ST3GAL2: variants seen among roughly 807,000 people sequenced by gnomAD.
ST3GAL2 encodes the protein CMP-N-acetylneuraminate-beta-galactosamide-alpha-2,3-sialyltransferase 2.
ST3GAL2 carries 16 observed loss-of-function variants against 37.5 expected under a neutral mutation model. That is an observed-to-expected ratio of 0.43 (90% confidence interval 0.29 to 0.65). ST3GAL2 has a LOEUF of 0.65. ST3GAL2 is among the 30% of genes least tolerant of loss of function. The probability of loss-of-function intolerance (pLI) is 0.17; values close to 1 mark genes in which losing one functional copy is unlikely to be tolerated. For synonymous variants in ST3GAL2, 238 were observed against 202.9 expected, an observed-to-expected ratio of 1.17 and a Z score of -1.47; for missense variants, 383 against 487.8, an observed-to-expected ratio of 0.79 and a Z score of 2.02.
chr16:70,381,746 G>A lies in ST3GAL2; in HGVS notation c.996C>T (p.Ala332=), dbSNP rs139786880. The change falls in exon 7 of 7, where the codon GCC becomes GCT. Residue 332 remains alanine (A), a synonymous_variant. Transcript: ENST00000342907. ...KTGVHDADFE[A]HIIDMLAKAS... is the part of the protein sequence containing the mutation. The stretch of plus-strand genomic sequence containing the variant: ...CCTTGGCCAGCATGTCGATGATGTG[G>A]GCCTCGAAGTCCGCGTCGTGCACGC... 17 of 1,613,984 alleles carry A rather than the reference G, an allele frequency of 1.1e-5. No homozygotes were observed. The highest frequency in any genetic ancestry group is 1.4e-5 in the Non-Finnish European group (17 of 1,179,976).
chr16:70,417,470 C>T (rs1040497657), intron 1 of ST3GAL2, among the ~76,000 whole-genome samples: 2 of 152,328 alleles, frequency 1.3e-5, no homozygotes, highest in Admixed American at 6.5e-5. Context: ...GGGACACGGC[C>T]GTAACCCCTT....
intron 1 of ST3GAL2, among the ~76,000 whole-genome samples, chr16:70,426,461 A>G (rs1385945023): frequency 1.3e-5 from 2 of 151,196 alleles, no homozygotes; most frequent in Admixed American, 6.6e-5. Flanking sequence ...CGGCCTCCCA[A>G]AGTGCTGGGA....
At chr16:70,418,951 G>A (rs1281657500) in intron 1 of ST3GAL2, among the ~76,000 whole-genome samples, 1 of 152,204 alleles carries the variant, frequency 6.6e-6, no homozygotes, top group Non-Finnish European at 1.5e-5. Flanking sequence ...AGCAGGAAGA[G>A]GAGACTCCAG....
intron 1 of ST3GAL2, among the ~76,000 whole-genome samples, chr16:70,412,128 C>A (rs1480580493): frequency 6.6e-6 from 1 of 152,194 alleles, no homozygotes; most frequent in Non-Finnish European, 1.5e-5. Flanking sequence ...TGTAACCATT[C>A]TTTCAGCAAA....
chr16:70,431,145 G>A (rs1392180945), intron 1 of ST3GAL2, among the ~76,000 whole-genome samples: 2 of 148,552 alleles, frequency 1.3e-5, no homozygotes. Context: ...GCAGGGCGGG[G>A]CAATCTCCTG....
At chr16:70,386,642 T>C (rs1036236173) in intron 4 of ST3GAL2, among the ~76,000 whole-genome samples, 4 of 150,218 alleles carry the variant, frequency 2.7e-5, no homozygotes, top group Non-Finnish European at 5.9e-5. Context: ...CGGCCAAAAA[T>C]TTTTATTTTT....
intron 4 of ST3GAL2, among the ~76,000 whole-genome samples, chr16:70,384,355 G>T (rs1393915500): frequency 3.9e-5 from 6 of 152,136 alleles, no homozygotes; most frequent in Non-Finnish European, 4.4e-5. Context: ...GCTAAGTAAA[G>T]TAAGTCAGAC....
intron 1 of ST3GAL2, among the ~76,000 whole-genome samples, chr16:70,429,085 G>C (rs1597577198): frequency 6.6e-6 from 1 of 152,204 alleles, no homozygotes; most frequent in Admixed American, 6.5e-5. Flanking sequence ...CAGGGGAACT[G>C]AGCACAGCCC....
chr16:70,386,018 T>A (rs1325281729), intron 4 of ST3GAL2, among the ~76,000 whole-genome samples: 1 of 151,702 alleles, frequency 6.6e-6, no homozygotes. Flanking sequence ...AACATGAAAA[T>A]TTTTTTTGTT....
intron 1 of ST3GAL2, among the ~76,000 whole-genome samples, chr16:70,405,978 G>A (rs529245595): frequency 7.0e-4 from 104 of 149,338 alleles, no homozygotes; most frequent in African/African-American, 2.5e-3. Flanking sequence ...GGAGAATGGC[G>A]TGAACCCGGG....
At chr16:70,386,312 C>A (rs1245498403) in intron 4 of ST3GAL2, among the ~76,000 whole-genome samples, 1 of 152,112 alleles carries the variant, frequency 6.6e-6, no homozygotes, top group African/African-American at 2.4e-5. Context: ...CTCAGCCTCC[C>A]CAGTAGCTGG....
chr16:70,435,219 A>C (rs893603386), intron 1 of ST3GAL2, among the ~76,000 whole-genome samples: 1 of 152,210 alleles, frequency 6.6e-6, no homozygotes, highest in Admixed American at 6.5e-5. Context: ...GGGCAACATC[A>C]GAATGAAAGA....
At chr16:70,402,822 T>A (rs2047565183) in intron 1 of ST3GAL2, among the ~76,000 whole-genome samples, 1 of 152,168 alleles carries the variant, frequency 6.6e-6, no homozygotes. Context: ...GCTAATTTTT[T>A]GTATTTTTAG....
At chr16:70,410,600 T>C (rs1035074475) in intron 1 of ST3GAL2, among the ~76,000 whole-genome samples, 1 of 150,266 alleles carries the variant, frequency 6.7e-6, no homozygotes, top group African/African-American at 2.4e-5. Context: ...ATTATATTAC[T>C]TTTTTTTTAG....
Position 70,381,720 on chromosome 16 carries a change from G to T in ST3GAL2, c.1022C>A (p.Ala341Asp). ...EAHIIDMLAK[A>D]SKIEVYRGN Reference sequence around the variant, plus strand: ...GCCCCGGTAGACTTCGATCTTGCTGGCCTTGGCCAGCATGTCGATGATGTG... The same window carrying T: ...GCCCCGGTAGACTTCGATCTTGCTGTCCTTGGCCAGCATGTCGATGATGTG... Residue 341 changes from alanine to aspartate, a missense_variant, in exon 7 of 7, where the codon GCC becomes GAC. By Grantham distance (126) the Ala-to-Asp change is moderately radical. Around this residue, in one of 2 missense-constraint regions of ST3GAL2, gnomAD observed 160 missense variants for 248.6 expected, o/e 0.64. Coordinates refer to ENST00000342907, the MANE Select transcript of ST3GAL2 (RefSeq NM_006927.4). 1.2e-6 allele frequency: 2 copies of T among 1,614,000 alleles called. No homozygotes were observed. Among genetic ancestry groups the T allele is most frequent in the Non-Finnish European group, 1.7e-6 (2 of 1,179,944 alleles).
chr16:70,423,624 G>A (rs1192532348), intron 1 of ST3GAL2, among the ~76,000 whole-genome samples: 1 of 151,646 alleles, frequency 6.6e-6, no homozygotes, highest in Non-Finnish European at 1.5e-5. Context: ...GGGATCTTGG[G>A]CAAATTTCTC....
chr16:70,430,013 G>A (rs1022369992), intron 1 of ST3GAL2, among the ~76,000 whole-genome samples: 2 of 152,214 alleles, frequency 1.3e-5, no homozygotes, highest in Non-Finnish European at 2.9e-5. Flanking sequence ...GCCCTAGACT[G>A]TGAAAATCAG....
chr16:70,402,155 C>A (rs919085468), intron 1 of ST3GAL2, among the ~76,000 whole-genome samples: 1 of 151,402 alleles, frequency 6.6e-6, no homozygotes, highest in Non-Finnish European at 1.5e-5. Flanking sequence ...CAAAATTAGC[C>A]GGGCATGGTG....
At chr16:70,420,112 T>C (rs544890288) in intron 1 of ST3GAL2, among the ~76,000 whole-genome samples, 1 of 150,084 alleles carries the variant, frequency 6.7e-6, no homozygotes, top group South Asian at 2.1e-4. Flanking sequence ...CTGCAACCTC[T>C]GTCCCCGGGT....
Sources: allele counts gnomAD v4.1 joint callset (sites outside exome capture counted in the v4.1 genomes callset), GRCh38; gene constraint gnomAD v4.1.1; regional missense constraint gnomAD v4.1.1; transcripts MANE v1.5; gene names NCBI Gene and HGNC (gene_info 2026-07-23, HGNC 2026-07-21).